Variants in VAV2 observed in about 807,000 individuals in gnomAD.
VAV2 encodes the protein guanine nucleotide exchange factor VAV2.
Under a neutral mutation model 132.5 loss-of-function variants are expected in VAV2, and 67 were observed. The observed-to-expected ratio is 0.51, with a 90% confidence interval of 0.42 to 0.62. The LOEUF (loss-of-function observed/expected upper bound fraction) is 0.62. Among genes scored for constraint, VAV2 ranks in the 20% least tolerant of loss-of-function variants. The probability of loss-of-function intolerance (pLI) is 0.00; values close to 1 mark genes in which losing one functional copy is unlikely to be tolerated. For missense variants in VAV2, 938 were observed against 1,153.6 expected (o/e 0.81, Z 2.71); for synonymous variants, 492 against 443.5 (o/e 1.11, Z -1.37).
intron 2 of VAV2, among the ~76,000 whole-genome samples, chr9:133,878,960 C>T (rs1371855940): frequency 6.6e-6 from 1 of 152,192 alleles, no homozygotes; most frequent in Admixed American, 6.5e-5. Context: ...GAGAGATCAA[C>T]AAATCCAGCC....
chr9:133,886,704 A>G (rs916092101), intron 2 of VAV2, among the ~76,000 whole-genome samples: 1 of 152,162 alleles, frequency 6.6e-6, no homozygotes, highest in African/African-American at 2.4e-5. Flanking sequence ...ACACCCCGCC[A>G]AGACCTTCCT....
At chr9:133,877,385 G>A (rs1224960560) in intron 2 of VAV2, among the ~76,000 whole-genome samples, 2 of 152,158 alleles carry the variant, frequency 1.3e-5, no homozygotes, top group Admixed American at 1.3e-4. Context: ...CCACAAGCAG[G>A]GTGGGACCAT....
intron 1 of VAV2, among the ~76,000 whole-genome samples, chr9:133,947,843 G>T (rs987985975): frequency 6.6e-6 from 1 of 150,920 alleles, no homozygotes; most frequent in African/African-American, 2.4e-5. Context: ...AGGCTGGAGT[G>T]CAGTGGCGTG....
At position 133,891,970 on chromosome 9, in the gene VAV2, G is replaced by C. The variant is rs564830555; in HGVS notation, c.322-30538C>G. Among the ~76,000 whole-genome samples, 426 of 140,950 alleles carry C rather than the reference G, an allele frequency of 3.0e-3. 1 individual carries two copies. Among genetic ancestry groups the C allele is most frequent in the African/African-American group, 0.011 (410 of 37,018 alleles). 92.5% of individuals were successfully genotyped at this position (140,950 alleles called of 152,430 possible). On this transcript the variant is annotated intron_variant, in intron 2 of 29. Coordinates refer to ENST00000371850, the MANE Select transcript of VAV2 (RefSeq NM_001134398.2). ...GGATGAGTGGACCAAGGCATTCGGG[G>C]GAGAGGTGGAGAGAGAGGGAGAGAG...
intron 2 of VAV2, among the ~76,000 whole-genome samples, chr9:133,913,780 G>T (rs1839963748): frequency 6.6e-6 from 1 of 152,338 alleles, no homozygotes; most frequent in Non-Finnish European, 1.5e-5. Context: ...TGAGCCTCGG[G>T]GCCGGCTGTA....
In VAV2 at chr9:133,912,277, G is replaced by A. The variant is rs751400355; in HGVS notation, c.321+26826C>T. On this transcript the variant is annotated intron_variant, in intron 2 of 29. Coordinates refer to ENST00000371850, the MANE Select transcript of VAV2 (RefSeq NM_001134398.2). This position sits in a 1 kb window ranked among gnomAD's most constrained non-coding sequence, Gnocchi z 4.3. ...CAGAAACCTACGGCATCAGGACACC[G>A]TCACCGGAGGATGGTCCAAGAAGGC... Among the ~76,000 whole-genome samples the A allele has an allele frequency of 6.6e-6, 1 of 152,160 alleles. No homozygotes were observed. The highest frequency in any genetic ancestry group is 1.5e-5 in the Non-Finnish European group (1 of 68,028).
At chr9:133,905,617 C>T (rs566022840) in intron 2 of VAV2, among the ~76,000 whole-genome samples, 1 of 152,194 alleles carries the variant, frequency 6.6e-6, no homozygotes, top group South Asian at 2.1e-4. Flanking sequence ...TGAAGCAGCA[C>T]AGAAATGACC....
At chr9:133,968,160 T>C (rs1842209538) in intron 1 of VAV2, among the ~76,000 whole-genome samples, 1 of 152,184 alleles carries the variant, frequency 6.6e-6, no homozygotes, top group Non-Finnish European at 1.5e-5. Context: ...CAGTTAACGA[T>C]AACTTCTTGC....
At chr9:133,807,793 G>A (rs1388456127) in intron 7 of VAV2, among the ~76,000 whole-genome samples, 1 of 152,242 alleles carries the variant, frequency 6.6e-6, no homozygotes, top group African/African-American at 2.4e-5. Flanking sequence ...ACCCCGAGGA[G>A]TGCCGGTGGT....
At chr9:133,937,705 A>T (rs554283221) in intron 2 of VAV2, among the ~76,000 whole-genome samples, 1 of 152,142 alleles carries the variant, frequency 6.6e-6, no homozygotes, top group Admixed American at 6.5e-5. Context: ...TTGAGAAGCC[A>T]CTTACAGGAA....
rs73553942 is a variant in VAV2 at position 133,805,896 on chromosome 9, C to T, written c.836+185G>A. Among the ~76,000 whole-genome samples, 8,034 of 152,278 alleles carry T rather than the reference C, an allele frequency of 0.053. 741 individuals carry two copies. The highest frequency in any genetic ancestry group is 0.18 in the African/African-American group (7,662 of 41,544). On this transcript the variant is annotated intron_variant, in intron 9 of 29. Transcript: ENST00000371850. The stretch of plus-strand genomic sequence containing the variant: ...CCCACAGGACAGGAGGCTCCACACC[C>T]TCTCCATCAACCAGGCTGCGGCTCG...
At chr9:133,985,967 A>C (rs1842846067) in intron 1 of VAV2, among the ~76,000 whole-genome samples, 1 of 152,208 alleles carries the variant, frequency 6.6e-6, no homozygotes, top group Non-Finnish European at 1.5e-5. Flanking sequence ...AAAGAAAAGC[A>C]GAGATGGATG....
Position 133,762,182 on chromosome 9 carries a change from C to G in VAV2, c.*1880G>C, listed in dbSNP as rs964242071. On this transcript the variant is annotated 3_prime_UTR_variant, in exon 30 of 30. Transcript: ENST00000371850. The surrounding 1 kb of genome is among the most constrained non-coding windows in gnomAD (Gnocchi z 5.0). ...TGCAGTGCAAAAACCAAACCAAACA[C>G]AAATCTCAAAACAAAGAAACACAAA... 6.6e-6 allele frequency: 1 copy of G among 152,560 alleles called. No homozygotes were observed. Among genetic ancestry groups the G allele is most frequent in the African/African-American group, 2.4e-5 (1 of 41,440 alleles). The allele number at this position is 152,560 out of a possible 1,614,324, so 9.5% of individuals were successfully genotyped here.
At chr9:133,907,900 G>A (rs1839726225) in intron 2 of VAV2, among the ~76,000 whole-genome samples, 1 of 141,496 alleles carries the variant, frequency 7.1e-6, no homozygotes, top group Admixed American at 6.9e-5. Flanking sequence ...GTGGAGGGAG[G>A]GCCTGGGGCA....
intron 1 of VAV2, among the ~76,000 whole-genome samples, chr9:133,953,178 C>T (rs534246493): frequency 7.5e-4 from 114 of 152,380 alleles, no homozygotes; most frequent in African/African-American, 2.6e-3. Context: ...CACAGCCCTG[C>T]TGACACCTTG....
chr9:133,862,100 G>C (rs1434115559), intron 2 of VAV2, among the ~76,000 whole-genome samples: 3 of 152,256 alleles, frequency 2.0e-5, no homozygotes, highest in African/African-American at 7.2e-5. Flanking sequence ...TCAAGAGGAA[G>C]GTTTGGTGAG....
chr9:133,814,694 G>A (rs998208756), intron 4 of VAV2, among the ~76,000 whole-genome samples: 1 of 152,248 alleles, frequency 6.6e-6, no homozygotes, highest in South Asian at 2.1e-4. Context: ...ACTGTGGGGT[G>A]TCCCAACAGA....
At chr9:133,949,904 A>G (rs1291150769) in intron 1 of VAV2, among the ~76,000 whole-genome samples, 5 of 152,238 alleles carry the variant, frequency 3.3e-5, no homozygotes, top group Non-Finnish European at 5.9e-5. Flanking sequence ...TTTCACGCTC[A>G]GCTTTTCTCA....
chr9:133,800,375 C>CG (rs925591134), intron 9 of VAV2, among the ~76,000 whole-genome samples: 4 of 152,336 alleles, frequency 2.6e-5, no homozygotes, highest in African/African-American at 9.6e-5. Flanking sequence ...CGCCTGGAGG[C>CG]GGGAGGACGA....
Sources: gnomAD v4.1 joint callset for allele counts (sites outside exome capture counted in the v4.1 genomes callset) on GRCh38, gnomAD v4.1.1 for gene constraint, Gnocchi (gnomAD v3.1) non-coding constraint, MANE v1.5 for transcripts, NCBI Gene and HGNC (gene_info 2026-07-23, HGNC 2026-07-21) for gene names.